The following ESR1 variants were observed in gnomAD, a reference collection of about 807,000 sequenced individuals.
ESR1 encodes the protein estrogen receptor.
A neutral mutation model predicts 52.7 loss-of-function variants in ESR1; 12 were observed. That is an observed-to-expected ratio of 0.23 (90% CI 0.15 to 0.37). The LOEUF is 0.37. ESR1 is among the 10% of genes least tolerant of loss of function. The probability of loss-of-function intolerance (pLI) is 1.00; values close to 1 mark genes in which losing one functional copy is unlikely to be tolerated. For missense variants in ESR1, 584 were observed against 779.7 expected, an observed-to-expected ratio of 0.75 and a Z score of 2.99; for synonymous variants, 305 against 316.8, an observed-to-expected ratio of 0.96 and a Z score of 0.39.
chr6:151,917,962 T>C (rs538829237), intron 3 of ESR1, among the ~76,000 whole-genome samples: 9 of 152,330 alleles, frequency 5.9e-5, no homozygotes, highest in African/African-American at 2.2e-4. Context: ...TTAAAATGAA[T>C]TGTAAATATA....
intron 2 of ESR1, among the ~76,000 whole-genome samples, chr6:151,762,385 A>C (rs2128098251): frequency 6.6e-6 from 1 of 152,152 alleles, no homozygotes; most frequent in East Asian, 1.9e-4. Flanking sequence ...TTTTTTATAA[A>C]TTAGTTTTGC....
At chr6:152,129,430 T>G (rs1049923846) in exon 7 of ESR1, 1 of 152,174 alleles carries the variant, frequency 6.6e-6, no homozygotes, top group Non-Finnish European at 1.5e-5. Context: ...ATGATCTGCC[T>G]AAAAGAAACT....
chr6:152,024,594 T>C (rs540742795), intron 5 of ESR1, among the ~76,000 whole-genome samples: 6 of 150,302 alleles, frequency 4.0e-5, no homozygotes, highest in Non-Finnish European at 8.9e-5. Context: ...GCACAAATTT[T>C]TATATTTGTG....
At chr6:151,978,701 A>C (rs1584607297) in intron 4 of ESR1, among the ~76,000 whole-genome samples, 1 of 152,296 alleles carries the variant, frequency 6.6e-6, no homozygotes, top group East Asian at 1.9e-4. Context: ...ATGAGAAGCC[A>C]GTGGCACACC....
chr6:151,744,649 C>G (rs961562722), intron 2 of ESR1, among the ~76,000 whole-genome samples: 5 of 152,102 alleles, frequency 3.3e-5, no homozygotes, highest in Non-Finnish European at 7.4e-5. Context: ...TAAATATTTT[C>G]TCCCATTTTG....
intron 1 of ESR1, among the ~76,000 whole-genome samples, chr6:151,815,335 G>A (rs1394245915): frequency 6.6e-6 from 1 of 152,190 alleles, no homozygotes; most frequent in African/African-American, 2.4e-5. Flanking sequence ...GCTTTTGGAA[G>A]CCTCTTTGAT....
chr6:152,080,669 T>A (rs2049120860), intron 6 of ESR1, among the ~76,000 whole-genome samples: 1 of 152,194 alleles, frequency 6.6e-6, no homozygotes, highest in Non-Finnish European at 1.5e-5. Context: ...ACCTTAAATG[T>A]AAATGGGCTA....
intron 7 of ESR1, among the ~76,000 whole-genome samples, chr6:152,097,297 A>T (rs913131999): frequency 1.3e-5 from 2 of 152,158 alleles, no homozygotes; most frequent in Non-Finnish European, 2.9e-5. Context: ...CTACTCAGAG[A>T]ATTTAATATC....
chr6:152,064,215 C>T (rs2047784150), intron 6 of ESR1, among the ~76,000 whole-genome samples: 1 of 152,208 alleles, frequency 6.6e-6, no homozygotes, highest in Non-Finnish European at 1.5e-5. Context: ...CTGGACAGAG[C>T]TGAAGTGTAG....
At position 152,094,566 on chromosome 6, in the gene ESR1, G is replaced by A. The variant is rs1455484428; in HGVS notation, c.1551G>A (p.Met517Ile). 1.4e-5 allele frequency: 23 copies of A among 1,613,814 alleles called. No individual in the cohort carries two copies. Among genetic ancestry groups the A allele is most frequent in the Non-Finnish European group, 1.9e-5 (22 of 1,179,992 alleles). The change falls in exon 7 of 8, where the codon ATG becomes ATA. Residue 517 changes from methionine to isoleucine, a missense_variant and splice_region_variant. Around this residue, in one of 6 missense-constraint regions of ESR1, gnomAD observed 141 missense variants for 289.3 expected, o/e 0.49. Transcript: ENST00000206249. The surrounding 1 kb of genome is among the most constrained non-coding windows in gnomAD (Gnocchi z 4.6). ...TCATCCTCTCCCACATCAGGCACAT[G>A]AGGTGAGGCATCTGTGGGCTTCCTA... ...LLLILSHIRHMSNKGMEHLYS... is the reference protein window; with the variant it reads ...LLLILSHIRHISNKGMEHLYS...
chr6:151,916,167 G>A (rs996112131), intron 3 of ESR1, among the ~76,000 whole-genome samples: 1 of 152,168 alleles, frequency 6.6e-6, no homozygotes, highest in Non-Finnish European at 1.5e-5. Context: ...TTGATATTCA[G>A]GAACAAATCA....
intron 4 of ESR1, among the ~76,000 whole-genome samples, chr6:151,978,644 TAAAG>T (rs965617037): frequency 2.0e-5 from 3 of 152,164 alleles, no homozygotes; most frequent in East Asian, 3.9e-4. Context: ...CTATCGCAGT[TAAAG>T]GAAGAGGCAA....
In ESR1 at chr6:151,945,571, C is replaced by T. The variant is rs965294893; in HGVS notation, c.1096+1063C>T. On this transcript the variant is annotated intron_variant, in intron 4 of 7. Coordinates refer to ENST00000206249, the MANE Select transcript of ESR1 (RefSeq NM_000125.4). Reference sequence around the variant, plus strand: ...CTGCCCCAGTGTATTCGTTCAGGAGCTAATGTAGATAAACCGAGGCAAGAA... The same window carrying T: ...CTGCCCCAGTGTATTCGTTCAGGAGTTAATGTAGATAAACCGAGGCAAGAA... 1.3e-5 allele frequency among the ~76,000 whole-genome samples: 2 copies of T among 152,276 alleles called. 1 individual carries two copies. The highest frequency in any genetic ancestry group is 1.3e-4 in the Admixed American group (2 of 15,284).
chr6:151,780,404 A>T (rs1461598029), intron 2 of ESR1, among the ~76,000 whole-genome samples: 1 of 152,148 alleles, frequency 6.6e-6, no homozygotes, highest in Middle Eastern at 3.2e-3. Flanking sequence ...TTGCTTTGGC[A>T]GTCATCATTC....
At chr6:151,893,395 GT>G (rs1238105733) in intron 3 of ESR1, among the ~76,000 whole-genome samples, 2 of 152,000 alleles carry the variant, frequency 1.3e-5, no homozygotes, top group African/African-American at 4.8e-5. Context: ...ATAATACATG[GT>G]TTAGTTTATG....
chr6:151,787,236 G>C (rs1787114316), intron 2 of ESR1, among the ~76,000 whole-genome samples: 1 of 152,186 alleles, frequency 6.6e-6, no homozygotes, highest in African/African-American at 2.4e-5. Context: ...TGTTGTTTTG[G>C]TTATTGTAGC....
chr6:151,795,573 A>G (rs908816425), intron 2 of ESR1, among the ~76,000 whole-genome samples: 29 of 152,018 alleles, frequency 1.9e-4, no homozygotes, highest in African/African-American at 6.5e-4. Flanking sequence ...CTGCATGGAG[A>G]GATACTATTT....
At chr6:151,984,714 A>G (rs1169796447) in intron 4 of ESR1, among the ~76,000 whole-genome samples, 1 of 152,146 alleles carries the variant, frequency 6.6e-6, no homozygotes, top group Non-Finnish European at 1.5e-5. Context: ...TCAATTTCTT[A>G]TAGACAGATT....
intron 4 of ESR1, among the ~76,000 whole-genome samples, chr6:152,006,500 G>A (rs141565386): frequency 1.3e-5 from 2 of 151,924 alleles, no homozygotes; most frequent in Admixed American, 6.6e-5. Context: ...AATATGGGAC[G>A]TGAAGACTGC....
Sources: allele counts gnomAD v4.1 joint callset (sites outside exome capture counted in the v4.1 genomes callset), GRCh38; gene constraint gnomAD v4.1.1; regional missense constraint gnomAD v4.1.1; non-coding constraint Gnocchi (gnomAD v3.1); transcripts MANE v1.5; gene names NCBI Gene and HGNC (gene_info 2026-07-23, HGNC 2026-07-21).